Variants in WASHC3 observed in about 807,000 individuals in gnomAD.
WASHC3 encodes the protein WASH complex subunit CCDC53.
Under a neutral mutation model 26.1 loss-of-function variants are expected in WASHC3, and 24 were observed. The observed-to-expected ratio is 0.92, with a 90% CI of 0.66 to 1.29. The LOEUF (loss-of-function observed/expected upper bound fraction) is 1.29, where lower values mean the gene tolerates loss of function less well. WASHC3 is among the 50% of genes most tolerant of loss of function. WASHC3 has a pLI of 0.00. For missense variants in WASHC3, 214 were observed against 229.6 expected, an observed-to-expected ratio of 0.93 and a Z score of 0.44; for synonymous variants, 77 against 75.7, an observed-to-expected ratio of 1.02 and a Z score of -0.09.
At chr12:102,031,041 C>T (rs918314198) in intron 5 of WASHC3, among the ~76,000 whole-genome samples, 1 of 152,072 alleles carries the variant, frequency 6.6e-6, no homozygotes, top group African/African-American at 2.4e-5. Flanking sequence ...TTCTAAGCTC[C>T]CTAACTTTCA....
chr12:102,033,248 C>T (rs556505382), intron 5 of WASHC3, among the ~76,000 whole-genome samples: 3 of 152,120 alleles, frequency 2.0e-5, no homozygotes, highest in South Asian at 2.1e-4. Context: ...TTTTGTAACC[C>T]GCAAGACTTT....
chr12:102,050,578 G>A (rs1878354414), intron 2 of WASHC3: 7 of 454,138 alleles, frequency 1.5e-5, no homozygotes, highest in South Asian at 9.3e-5. Flanking sequence ...AGGAAGTTGA[G>A]GTTGCCCTGA....
In WASHC3 at chr12:102,039,852, G is replaced by A. The variant is rs769459162; in HGVS notation, c.435+16C>T. The stretch of plus-strand genomic sequence containing the variant: ...GTGAGGCTGCTACACAAAGAAGACA[G>A]ACCAAGTTAGCTTACCACTTGAACC... On this transcript the variant is annotated intron_variant, in intron 5 of 6. Coordinates refer to ENST00000240079, the MANE Select transcript of WASHC3 (RefSeq NM_016053.4). 8.0e-7 allele frequency: 1 copy of A among 1,247,566 alleles called. No individual in the cohort carries two copies. The highest frequency in any genetic ancestry group is 1.2e-5 in the South Asian group (1 of 82,806). The allele number at this position is 1,247,566 out of a possible 1,614,324, so 77.3% of individuals were successfully genotyped here.
At chr12:102,019,242 G>A (rs1210736388) in intron 6 of WASHC3, 1 of 193,650 alleles carries the variant, frequency 5.2e-6, no homozygotes, top group East Asian at 1.7e-4. Flanking sequence ...AAGTTGTAAA[G>A]CCTTATAAAT....
chr12:102,050,735 C>A, intron 2 of WASHC3: 1 of 368,852 alleles, frequency 2.7e-6, no homozygotes, highest in Non-Finnish European at 5.4e-6. Flanking sequence ...GTACCTTTGA[C>A]TTTAAAATTC....
intron 6 of WASHC3, among the ~76,000 whole-genome samples, chr12:102,019,821 A>G (rs1876872647): frequency 6.6e-6 from 1 of 152,198 alleles, no homozygotes; most frequent in Admixed American, 6.5e-5. Flanking sequence ...TCAACTAAAA[A>G]TGAGCCAAAA....
intron 5 of WASHC3, among the ~76,000 whole-genome samples, chr12:102,036,097 C>T (rs1294050882): frequency 1.1e-4 from 16 of 152,172 alleles, no homozygotes; most frequent in Non-Finnish European, 8.8e-5. Context: ...TGGTGGCTCA[C>T]GCCTGTAATC....
In WASHC3 at chr12:102,061,893, A is replaced by AGC; in HGVS notation, c.51+17_51+18dup. ...CCTCCTCCCGGCTCGTCGGGAGTCT[A>AGC]GCACCGTCTTTTACAAACCTTGGTC... On this transcript the variant is annotated intron_variant, in intron 1 of 6. Coordinates refer to ENST00000240079, the MANE Select transcript of WASHC3 (RefSeq NM_016053.4). The AGC allele has an allele frequency of 6.3e-7, 1 of 1,588,058 alleles. No homozygotes were observed. Among genetic ancestry groups the AGC allele is most frequent in the South Asian group, 1.1e-5 (1 of 87,530 alleles).
At chr12:102,013,250 A>T (rs1381962450) in intron 6 of WASHC3, 58 bp from the exon 7 acceptor site, 2 of 823,662 alleles carry the variant, frequency 2.4e-6, no homozygotes, top group African/African-American at 3.5e-5. Flanking sequence ...GAGCACTTAC[A>T]AACTCTTAAA....
intron 2 of WASHC3, among the ~76,000 whole-genome samples, chr12:102,060,373 G>A (rs750741782): frequency 3.3e-5 from 5 of 152,066 alleles, no homozygotes; most frequent in Non-Finnish European, 7.4e-5. Context: ...TCAAATTCCC[G>A]GGCGCAAGTG....
intron 1 of WASHC3, 112 bp from the exon 2 acceptor site, chr12:102,061,458 G>A (rs1209522032): frequency 2.8e-6 from 2 of 715,196 alleles, no homozygotes; most frequent in South Asian, 1.6e-5. Context: ...TGAATTTCTT[G>A]AAGGACTGGG....
chr12:102,050,189 C>A, intron 2 of WASHC3: 1 of 382,164 alleles, frequency 2.6e-6, no homozygotes, highest in Non-Finnish European at 5.1e-6. Flanking sequence ...TGGCACGCAC[C>A]TGTAGTTCCA....
intron 6 of WASHC3, among the ~76,000 whole-genome samples, chr12:102,014,928 C>G (rs925687646): frequency 6.6e-6 from 1 of 152,174 alleles, no homozygotes; most frequent in East Asian, 1.9e-4. Flanking sequence ...TATTTTAATA[C>G]CACATCAAAA....
chr12:102,048,978 A>G (rs139997960), intron 2 of WASHC3, among the ~76,000 whole-genome samples: 340 of 152,344 alleles, frequency 2.2e-3, no homozygotes, highest in African/African-American at 7.8e-3. Context: ...TATACTTTTT[A>G]AAGAGCCATT....
At chr12:102,051,218 G>A (rs983074729) in intron 2 of WASHC3, among the ~76,000 whole-genome samples, 3 of 152,094 alleles carry the variant, frequency 2.0e-5, no homozygotes, top group Admixed American at 2.0e-4. Flanking sequence ...CCTGTCGGGG[G>A]GTGGGAAAAG....
intron 6 of WASHC3, among the ~76,000 whole-genome samples, chr12:102,016,819 T>C (rs1876726293): frequency 6.6e-6 from 1 of 152,186 alleles, no homozygotes; most frequent in Non-Finnish European, 1.5e-5. Context: ...AGCTGTAAAA[T>C]TTATGACTTG....
chr12:102,051,039 T>A (rs544223297), intron 2 of WASHC3, among the ~76,000 whole-genome samples: 4 of 152,366 alleles, frequency 2.6e-5, no homozygotes, highest in African/African-American at 9.6e-5. Flanking sequence ...TTTTGCAAAG[T>A]TGAGTTCTTC....
intron 2 of WASHC3, among the ~76,000 whole-genome samples, chr12:102,051,559 T>C (rs1281369035): frequency 2.0e-5 from 3 of 152,236 alleles, no homozygotes; most frequent in Non-Finnish European, 4.4e-5. Context: ...CTCTCTCACT[T>C]GAAGTTGACA....
intron 5 of WASHC3, among the ~76,000 whole-genome samples, chr12:102,035,063 T>C (rs1245100996): frequency 1.3e-5 from 2 of 152,078 alleles, no homozygotes; most frequent in Non-Finnish European, 2.9e-5. Flanking sequence ...AGATGGGGCA[T>C]ACTTTTTAGC....
Sources: allele counts gnomAD v4.1 joint callset (sites outside exome capture counted in the v4.1 genomes callset), GRCh38; gene constraint gnomAD v4.1.1; transcripts MANE v1.5; gene names NCBI Gene and HGNC (gene_info 2026-07-23, HGNC 2026-07-21).